Variants in SSBP2 observed in about 807,000 individuals in gnomAD.
SSBP2 encodes single stranded DNA binding protein 2.
In SSBP2, 17 loss-of-function variants were observed where a neutral mutation model predicts 61.8. That is an observed-to-expected ratio of 0.28 (90% CI 0.19 to 0.41). The LOEUF (loss-of-function observed/expected upper bound fraction) is 0.41. Among genes scored for constraint, SSBP2 ranks in the 10% least tolerant of loss-of-function variants. SSBP2 has a pLI of 1.00. For synonymous variants in SSBP2, 139 were observed against 141.3 expected, an observed-to-expected ratio of 0.98 and a Z score of 0.12; for missense variants, 310 against 458.7, an observed-to-expected ratio of 0.68 and a Z score of 2.96.
At chr5:81,505,963 T>G (rs187411601) in intron 5 of SSBP2, among the ~76,000 whole-genome samples, 244 of 152,340 alleles carry the variant, frequency 1.6e-3, no homozygotes, top group African/African-American at 5.7e-3. Flanking sequence ...CTCCCTTCTT[T>G]GCTCTCTGTC....
chr5:81,586,968 G>C (rs1775104239), intron 4 of SSBP2, among the ~76,000 whole-genome samples: 1 of 152,088 alleles, frequency 6.6e-6, no homozygotes. Context: ...AGTATTTTCT[G>C]AAGGAATTAA....
chr5:81,478,983 T>C (rs1765786834), intron 6 of SSBP2, among the ~76,000 whole-genome samples: 1 of 152,228 alleles, frequency 6.6e-6, no homozygotes, highest in Non-Finnish European at 1.5e-5. Context: ...GGCATAATCT[T>C]ACAGAAGTCT....
intron 1 of SSBP2, among the ~76,000 whole-genome samples, chr5:81,716,549 T>A (rs1404787308): frequency 2.0e-5 from 3 of 152,214 alleles, no homozygotes; most frequent in Non-Finnish European, 2.9e-5. Context: ...CATACTTGTG[T>A]ATATAATTTT....
intron 1 of SSBP2, among the ~76,000 whole-genome samples, chr5:81,739,164 CAAAAAAAAAAA>C (rs71000859): frequency 1.4e-3 from 71 of 51,110 alleles, no homozygotes; most frequent in Middle Eastern, 0.023. Flanking sequence ...ACTCCATCTC[CAAAAAAAAAAA>C]AAAAAAAAAA....
chr5:81,590,018 T>G (rs1266751809), intron 4 of SSBP2, among the ~76,000 whole-genome samples: 1 of 152,158 alleles, frequency 6.6e-6, no homozygotes, highest in Admixed American at 6.5e-5. Flanking sequence ...CAACACAAAC[T>G]TTTTAGGGGA....
intron 4 of SSBP2, among the ~76,000 whole-genome samples, chr5:81,559,422 G>GAT (rs1318814640): frequency 6.6e-5 from 10 of 151,484 alleles, no homozygotes; most frequent in Non-Finnish European, 8.9e-5. Context: ...GGGCATGGTG[G>GAT]CACATGCCTG....
chr5:81,434,874 G>A (rs1347853367), intron 15 of SSBP2, among the ~76,000 whole-genome samples: 1 of 152,094 alleles, frequency 6.6e-6, no homozygotes, highest in Admixed American at 6.5e-5. Flanking sequence ...CGTAGTCAAA[G>A]ACTGAAAAAA....
intron 4 of SSBP2, among the ~76,000 whole-genome samples, chr5:81,604,900 G>T (rs2917540): frequency 0.74 from 112,181 of 151,996 alleles, 42,987 homozygotes; most frequent in East Asian, 0.97. Flanking sequence ...ATTTTAGACA[G>T]TATTGAACAT....
chr5:81,661,541 C>G (rs188345733), intron 1 of SSBP2, among the ~76,000 whole-genome samples: 1 of 151,720 alleles, frequency 6.6e-6, no homozygotes, highest in Admixed American at 6.6e-5. Flanking sequence ...AACAGCCATT[C>G]TAACAGGTGT....
intron 4 of SSBP2, among the ~76,000 whole-genome samples, chr5:81,585,481 AT>A (rs1284659135): frequency 6.6e-6 from 1 of 152,020 alleles, no homozygotes; most frequent in Non-Finnish European, 1.5e-5. Flanking sequence ...ATGTTATAAA[AT>A]TTTGTCACAT....
intron 6 of SSBP2, among the ~76,000 whole-genome samples, chr5:81,485,968 A>T (rs1262527036): frequency 6.6e-6 from 1 of 152,226 alleles, no homozygotes; most frequent in Non-Finnish European, 1.5e-5. Context: ...AATATTATTT[A>T]TATTATTAAC....
At chr5:81,666,738 T>A (rs1244932270) in intron 1 of SSBP2, among the ~76,000 whole-genome samples, 1 of 152,198 alleles carries the variant, frequency 6.6e-6, no homozygotes, top group East Asian at 1.9e-4. Context: ...TCTACTTCAA[T>A]CCAATTTGAA....
chr5:81,658,886 T>A (rs1750455364), intron 1 of SSBP2, among the ~76,000 whole-genome samples: 1 of 152,192 alleles, frequency 6.6e-6, no homozygotes, highest in Non-Finnish European at 1.5e-5. Context: ...ATAAATGTAA[T>A]CCATCACATA....
intron 4 of SSBP2, among the ~76,000 whole-genome samples, chr5:81,552,276 G>A (rs1772255667): frequency 6.6e-6 from 1 of 152,130 alleles, no homozygotes; most frequent in Non-Finnish European, 1.5e-5. Context: ...CTATAGTTAA[G>A]AAGTAGAGTG....
chr5:81,649,322 T>C (rs1440036423), intron 2 of SSBP2, among the ~76,000 whole-genome samples: 2 of 152,098 alleles, frequency 1.3e-5, no homozygotes, highest in Non-Finnish European at 2.9e-5. Flanking sequence ...CATCCTCATA[T>C]ACATAGGAGA....
chr5:81,533,061 C>G (rs888396695), intron 4 of SSBP2, among the ~76,000 whole-genome samples: 5 of 151,864 alleles, frequency 3.3e-5, no homozygotes, highest in African/African-American at 1.2e-4. Flanking sequence ...AAATACTACA[C>G]TCATAAATAG....
At chr5:81,564,059 G>C (rs1773249979) in intron 4 of SSBP2, among the ~76,000 whole-genome samples, 1 of 152,030 alleles carries the variant, frequency 6.6e-6, no homozygotes, top group African/African-American at 2.4e-5. Flanking sequence ...AACACAAAAT[G>C]AATGACCCAA....
intron 1 of SSBP2, among the ~76,000 whole-genome samples, chr5:81,678,679 G>C (rs1433552430): frequency 6.6e-6 from 1 of 151,648 alleles, no homozygotes; most frequent in African/African-American, 2.4e-5. Flanking sequence ...AAAGCCAAAG[G>C]AATAAAACAC....
At chr5:81,678,861 A>C (rs1020159353) in intron 1 of SSBP2, among the ~76,000 whole-genome samples, 3 of 152,166 alleles carry the variant, frequency 2.0e-5, no homozygotes, top group Middle Eastern at 6.3e-3. Context: ...TAAAAATTGA[A>C]AATTTGTTGC....
Sources: gnomAD v4.1 joint callset for allele counts (sites outside exome capture counted in the v4.1 genomes callset) on GRCh38, gnomAD v4.1.1 for gene constraint, MANE v1.5 for transcripts, NCBI Gene and HGNC (gene_info 2026-07-23, HGNC 2026-07-21) for gene names.